Variants in HPSE2 observed in about 807,000 individuals in gnomAD.
HPSE2 encodes the protein inactive heparanase-2.
In HPSE2, 38 loss-of-function variants were observed where a neutral mutation model predicts 60.5. The observed-to-expected ratio is 0.63, with a 90% CI of 0.48 to 0.82. The LOEUF is 0.82. HPSE2 is among the 40% of genes least tolerant of loss of function. The pLI is 0.00. For missense variants in HPSE2, 713 were observed against 740.4 expected, an observed-to-expected ratio of 0.96 and a Z score of 0.43; for synonymous variants, 295 against 293.2, an observed-to-expected ratio of 1.01 and a Z score of -0.06.
chr10:98,825,739 G>A (rs991171514), intron 3 of HPSE2, among the ~76,000 whole-genome samples: 4 of 152,146 alleles, frequency 2.6e-5, no homozygotes, highest in African/African-American at 7.2e-5. Context: ...TACCCAATGA[G>A]ACATAAAAGA....
At chr10:99,087,411 G>A (rs146042017) in intron 3 of HPSE2, among the ~76,000 whole-genome samples, 4 of 152,290 alleles carry the variant, frequency 2.6e-5, no homozygotes, top group South Asian at 4.1e-4. Flanking sequence ...TTGGATACAC[G>A]TAAGCAATAA....
At chr10:98,539,560 C>G (rs1055252273) in intron 9 of HPSE2, among the ~76,000 whole-genome samples, 1 of 152,114 alleles carries the variant, frequency 6.6e-6, no homozygotes, top group Non-Finnish European at 1.5e-5. Flanking sequence ...AGCATGTTAA[C>G]AAAGCTGTGT....
chr10:98,491,623 G>A (rs1941647539), intron 9 of HPSE2, among the ~76,000 whole-genome samples: 3 of 152,094 alleles, frequency 2.0e-5, no homozygotes, highest in Admixed American at 1.3e-4. Context: ...AGTTAGCTAG[G>A]ATTAGCTTAC....
chr10:98,889,842 G>A (rs1002477556), intron 3 of HPSE2, among the ~76,000 whole-genome samples: 1 of 151,984 alleles, frequency 6.6e-6, no homozygotes, highest in African/African-American at 2.4e-5. Flanking sequence ...ACGGAGGATG[G>A]GGGGGATGCA....
At chr10:98,919,146 A>G (rs1954209960) in intron 3 of HPSE2, among the ~76,000 whole-genome samples, 1 of 152,188 alleles carries the variant, frequency 6.6e-6, no homozygotes, top group Non-Finnish European at 1.5e-5. Flanking sequence ...AAAACTTCAA[A>G]CTAAATACCT....
intron 8 of HPSE2, among the ~76,000 whole-genome samples, chr10:98,619,283 T>C (rs1946007678): frequency 6.6e-6 from 1 of 152,126 alleles, no homozygotes. Flanking sequence ...CAGGAACAAG[T>C]CATTTACTTA....
At chr10:99,222,405 A>G (rs1849344441) in intron 2 of HPSE2, among the ~76,000 whole-genome samples, 1 of 152,176 alleles carries the variant, frequency 6.6e-6, no homozygotes, top group African/African-American at 2.4e-5. Flanking sequence ...AGATAAGGCA[A>G]AGAAGTATGA....
chr10:98,822,942 A>G (rs923870588), intron 3 of HPSE2, among the ~76,000 whole-genome samples: 1 of 152,220 alleles, frequency 6.6e-6, no homozygotes, highest in Non-Finnish European at 1.5e-5. Flanking sequence ...TTAGATGGGG[A>G]GATTATTCTA....
intron 9 of HPSE2, among the ~76,000 whole-genome samples, chr10:98,511,825 T>A (rs1029518770): frequency 2.6e-5 from 4 of 152,182 alleles, no homozygotes; most frequent in Admixed American, 1.3e-4. Flanking sequence ...CACTGACAGG[T>A]CTTGCTGCAG....
intron 2 of HPSE2, among the ~76,000 whole-genome samples, chr10:99,219,721 C>T (rs931240888): frequency 6.6e-5 from 10 of 152,092 alleles, no homozygotes; most frequent in African/African-American, 1.7e-4. Context: ...ATAAGATTAC[C>T]GTACTGTGAA....
chr10:99,082,253 A>G (rs1843170464), intron 3 of HPSE2, among the ~76,000 whole-genome samples: 1 of 152,206 alleles, frequency 6.6e-6, no homozygotes, highest in South Asian at 2.1e-4. Flanking sequence ...CAAAATTCTA[A>G]AATACACATA....
chr10:98,631,525 C>G lies in HPSE2; in HGVS notation c.1098+10322G>C, dbSNP rs76900346. ...CAAGTCATAGGTTCCAGCAGCCTCA[C>G]TGTTAATTTTACTCTTGCTTAGGAC... On this transcript the variant is annotated intron_variant, in intron 7 of 11. Coordinates refer to ENST00000370552, the MANE Select transcript of HPSE2 (RefSeq NM_021828.5). Among the ~76,000 whole-genome samples the G allele has an allele frequency of 3.5e-3, 536 of 152,308 alleles. 5 individuals carry two copies. The highest frequency in any genetic ancestry group is 0.012 in the African/African-American group (512 of 41,556).
At chr10:98,819,182 A>C (rs1465865772) in intron 3 of HPSE2, among the ~76,000 whole-genome samples, 1 of 150,922 alleles carries the variant, frequency 6.6e-6, no homozygotes. Context: ...AAAAACCTAC[A>C]GGCGATCTTT....
intron 9 of HPSE2, among the ~76,000 whole-genome samples, chr10:98,552,310 T>C (rs1356876785): frequency 6.6e-6 from 1 of 152,098 alleles, no homozygotes; most frequent in African/African-American, 2.4e-5. Flanking sequence ...ATCATCATCA[T>C]CATCATCATC....
chr10:98,638,256 T>C (rs1050292239), intron 7 of HPSE2, among the ~76,000 whole-genome samples: 1 of 147,752 alleles, frequency 6.8e-6, no homozygotes, highest in Non-Finnish European at 1.5e-5. Context: ...CCATCCTGGC[T>C]AACACGGTGA....
intron 9 of HPSE2, among the ~76,000 whole-genome samples, chr10:98,611,665 G>A (rs1945764774): frequency 1.3e-5 from 2 of 152,128 alleles, no homozygotes; most frequent in African/African-American, 4.8e-5. Context: ...GTGTCAGATT[G>A]GTGTTCTGGT....
At chr10:99,233,151 GA>G (rs1473524793) in intron 1 of HPSE2, among the ~76,000 whole-genome samples, 1 of 152,138 alleles carries the variant, frequency 6.6e-6, no homozygotes, top group Non-Finnish European at 1.5e-5. Flanking sequence ...CGGACGGAGA[GA>G]TCCCCAGGGT....
chr10:98,550,089 A>C (rs1292231270), intron 9 of HPSE2, among the ~76,000 whole-genome samples: 3 of 152,198 alleles, frequency 2.0e-5, no homozygotes, highest in Admixed American at 1.3e-4. Flanking sequence ...TATTTGATTG[A>C]CTTACTCCTG....
chr10:99,184,257 G>T (rs889116769), intron 2 of HPSE2, among the ~76,000 whole-genome samples: 2 of 152,032 alleles, frequency 1.3e-5, no homozygotes, highest in Non-Finnish European at 2.9e-5. Flanking sequence ...GGGCATGGTG[G>T]CTCACACCTG....
Sources: allele counts gnomAD v4.1 joint callset (sites outside exome capture counted in the v4.1 genomes callset), GRCh38; gene constraint gnomAD v4.1.1; transcripts MANE v1.5; gene names NCBI Gene and HGNC (gene_info 2026-07-23, HGNC 2026-07-21).